Variants in TENM2 observed in about 807,000 individuals in gnomAD.
TENM2 encodes teneurin transmembrane protein 2.
In TENM2, 52 loss-of-function variants were observed where a neutral mutation model predicts 245.2. The observed-to-expected ratio is 0.21, with a 90% confidence interval of 0.17 to 0.27. The LOEUF is 0.27. Ranked by LOEUF, TENM2 falls within the 10% of genes least tolerant of loss-of-function variation. The pLI, the probability that TENM2 is intolerant of heterozygous loss-of-function variation, is 1.00. For missense variants in TENM2, 3,046 were observed against 3,666.8 expected (o/e 0.83, Z 4.37); for synonymous variants, 1,363 against 1,438.9 (o/e 0.95, Z 1.19).
chr5:167,982,053 C>T (rs538029759), intron 4 of TENM2, among the ~76,000 whole-genome samples: 36 of 152,082 alleles, frequency 2.4e-4, no homozygotes, highest in African/African-American at 8.2e-4. Context: ...TTACTGGCTA[C>T]CTTTTCTTCC....
At chr5:167,449,976 G>A (rs1201781975) in intron 2 of TENM2, among the ~76,000 whole-genome samples, 1 of 151,972 alleles carries the variant, frequency 6.6e-6, no homozygotes, top group Non-Finnish European at 1.5e-5. Context: ...AAAGAAAAAA[G>A]GAAATGAAGC....
At chr5:167,169,722 T>G in the TENM2 span, among the ~76,000 whole-genome samples, 1 of 152,320 alleles carries the variant, frequency 6.6e-6, no homozygotes, top group African/African-American at 2.4e-5. Flanking sequence ...AATAAATTAT[T>G]TTTCTGAAAG....
intron 2 of TENM2, among the ~76,000 whole-genome samples, chr5:167,461,537 C>A (rs1358341254): frequency 1.3e-5 from 2 of 152,082 alleles, no homozygotes; most frequent in African/African-American, 4.8e-5. Flanking sequence ...TCCCGGCAGT[C>A]TTTCATAGAT....
At chr5:167,802,198 G>A (rs1457177777) in intron 2 of TENM2, among the ~76,000 whole-genome samples, 2 of 152,120 alleles carry the variant, frequency 1.3e-5, no homozygotes, top group Non-Finnish European at 2.9e-5. Flanking sequence ...CAATACTGTA[G>A]CATTGGGAAA....
chr5:167,450,935 C>A lies in TENM2; in HGVS notation c.502+75462C>A, dbSNP rs180992109. ...TCTGACTCTTTAATGTGTTGATATC[C>A]GTTGTTAATATGATATTTTGCAAGA... On this transcript the variant is annotated intron_variant, in intron 2 of 28. Coordinates refer to ENST00000518659, the Ensembl canonical transcript of TENM2. Among the ~76,000 whole-genome samples the A allele has an allele frequency of 5.2e-3, 790 of 152,042 alleles. 5 individuals are homozygous for A. Among genetic ancestry groups the A allele is most frequent in the Non-Finnish European group, 8.5e-3 (579 of 67,966 alleles).
At chr5:167,890,957 A>G (rs1046092724) in intron 3 of TENM2, among the ~76,000 whole-genome samples, 16 of 152,176 alleles carry the variant, frequency 1.1e-4, no homozygotes, top group African/African-American at 3.6e-4. Context: ...TATTATCTCT[A>G]CTTAACAGAT....
intron 2 of TENM2, among the ~76,000 whole-genome samples, chr5:167,667,643 T>G (rs1169121742): frequency 6.6e-6 from 1 of 152,206 alleles, no homozygotes; most frequent in African/African-American, 2.4e-5. Context: ...AACTGCTGTC[T>G]ACTGAGCAGA....
chr5:167,086,690 T>C, the TENM2 span, among the ~76,000 whole-genome samples: 4 of 152,266 alleles, frequency 2.6e-5, no homozygotes, highest in South Asian at 8.3e-4. Context: ...AGCCTTGTAT[T>C]GTGCATCTAT....
At chr5:168,134,466 G>A (rs1032540680) in intron 12 of TENM2, among the ~76,000 whole-genome samples, 2 of 151,750 alleles carry the variant, frequency 1.3e-5, no homozygotes, top group Non-Finnish European at 2.9e-5. Flanking sequence ...CGGGTGGATC[G>A]CCTGAGGTCA....
chr5:167,418,189 T>C (rs10044739), intron 2 of TENM2, among the ~76,000 whole-genome samples: 6,382 of 151,872 alleles, frequency 0.042, 472 homozygotes, highest in African/African-American at 0.15. Flanking sequence ...ATTAGCAGGG[T>C]GTGGTGGCAC....
At chr5:167,074,464 C>CA in the TENM2 span, among the ~76,000 whole-genome samples, 6 of 152,142 alleles carry the variant, frequency 3.9e-5, no homozygotes, top group African/African-American at 1.4e-4. Context: ...CTGGTTGAAA[C>CA]AGTCACTTTA....
At chr5:167,181,643 T>G in the TENM2 span, among the ~76,000 whole-genome samples, 2 of 152,096 alleles carry the variant, frequency 1.3e-5, no homozygotes, top group African/African-American at 4.8e-5. Flanking sequence ...AGAAAATATA[T>G]AAATGAGTTC....
At chr5:167,425,761 C>CTGA (rs373687535) in intron 2 of TENM2, among the ~76,000 whole-genome samples, 3,376 of 151,534 alleles carry the variant, frequency 0.022, 53 homozygotes, top group South Asian at 0.035. Context: ...GCTGCTGCTG[C>CTGA]TGATGATGAT....
intron 2 of TENM2, among the ~76,000 whole-genome samples, chr5:167,869,739 T>C (rs1377798982): frequency 6.6e-6 from 1 of 152,002 alleles, no homozygotes; most frequent in African/African-American, 2.4e-5. Flanking sequence ...CACACAGCCC[T>C]CTAAAAGCTG....
the TENM2 span, among the ~76,000 whole-genome samples, chr5:167,108,630 A>T: frequency 4.6e-5 from 7 of 152,218 alleles, no homozygotes; most frequent in African/African-American, 1.7e-4. Context: ...GTCAGAGATG[A>T]AGTTCTTGTC....
the TENM2 span, among the ~76,000 whole-genome samples, chr5:166,988,794 T>C: frequency 1.3e-5 from 2 of 152,260 alleles, no homozygotes; most frequent in Middle Eastern, 3.4e-3. Flanking sequence ...GCCCTAGAAA[T>C]GTGGCTGCTT....
chr5:167,028,420 T>C, the TENM2 span, among the ~76,000 whole-genome samples: 1 of 152,258 alleles, frequency 6.6e-6, no homozygotes, highest in East Asian at 1.9e-4. Context: ...TTTACAGAGA[T>C]AGTAATTTAA....
In TENM2 at chr5:167,876,609, GTTGT is replaced by G. The variant is rs372754502; in HGVS notation, c.712+433_712+436del. Among the ~76,000 whole-genome samples, 1,361 of 145,856 alleles carry G rather than the reference GTTGT, an allele frequency of 9.3e-3. 19 individuals are homozygous for G. Among genetic ancestry groups the G allele is most frequent in the African/African-American group, 0.035 (1,246 of 35,674 alleles). The stretch of plus-strand genomic sequence containing the variant: ...CTGGTTTGTTTTTTGTTTTCTTGTT[GTTGT>G]TTGTTTGTTTGTTTGTTTTGGCTTT... On this transcript the variant is annotated intron_variant, in intron 3 of 28. Transcript: ENST00000518659.
At chr5:167,875,402 G>C (rs1467972421) in intron 2 of TENM2, among the ~76,000 whole-genome samples, 1 of 152,172 alleles carries the variant, frequency 6.6e-6, no homozygotes, top group Non-Finnish European at 1.5e-5. Context: ...GTGGAAAGTC[G>C]TAAGTGTTAC....
Sources: gnomAD v4.1 joint callset for allele counts (sites outside exome capture counted in the v4.1 genomes callset) on GRCh38, gnomAD v4.1.1 for gene constraint, MANE v1.5 for transcripts, NCBI Gene and HGNC (gene_info 2026-07-23, HGNC 2026-07-21) for gene names.